ROPN1L: variants seen among roughly 807,000 people sequenced by gnomAD.
ROPN1L encodes rhophilin associated tail protein 1 like.
In ROPN1L, 23 loss-of-function variants were observed where a neutral mutation model predicts 22.7. That is an observed-to-expected ratio of 1.01 (90% CI 0.73 to 1.43). The LOEUF (loss-of-function observed/expected upper bound fraction) is 1.43. ROPN1L is among the 40% of genes most tolerant of loss of function. The pLI is 0.00. For missense variants in ROPN1L, 271 were observed against 291.5 expected, an observed-to-expected ratio of 0.93 and a Z score of 0.51; for synonymous variants, 116 against 117.8, an observed-to-expected ratio of 0.98 and a Z score of 0.10.
rs367668740 is a variant in ROPN1L at position 10,460,911 on chromosome 5, T to C, written c.418-273T>C. ...TGGTTTTCAAGACATTGATGCTTCC[T>C]TTTGTCTGTAACAGTCATTTCTATT... is the stretch of plus-strand genomic sequence containing the variant. On this transcript the variant is annotated intron_variant, in intron 3 of 4. Coordinates refer to ENST00000274134, the MANE Select transcript of ROPN1L (RefSeq NM_031916.5). Among the ~76,000 whole-genome samples the C allele has an allele frequency of 5.2e-5, 8 of 152,388 alleles. No individual in the cohort carries two copies. The East Asian group carries it at 1.3e-3, about 26-fold the overall frequency.
At chr5:10,464,059 C>A (rs531890699) in intron 4 of ROPN1L, among the ~76,000 whole-genome samples, 1 of 152,224 alleles carries the variant, frequency 6.6e-6, no homozygotes, top group African/African-American at 2.4e-5. Context: ...GCCAGTGGAG[C>A]CTGCGTTCTG....
At chr5:10,476,602 G>C (rs186036549), downstream of ROPN1L, among the ~76,000 whole-genome samples, 314 of 152,280 alleles carry the variant, frequency 2.1e-3, 1 homozygote, top group African/African-American at 7.1e-3. Context: ...TGATAAGTCA[G>C]TTTTAAAGAA....
chr5:10,462,326 G>A (rs1428455506), intron 4 of ROPN1L, among the ~76,000 whole-genome samples: 2 of 152,168 alleles, frequency 1.3e-5, no homozygotes, highest in Admixed American at 1.3e-4. Context: ...TTGTCCCAAC[G>A]AATCCCGTGT....
At chr5:10,463,591 C>A (rs533772073) in intron 4 of ROPN1L, among the ~76,000 whole-genome samples, 2 of 152,296 alleles carry the variant, frequency 1.3e-5, no homozygotes, top group African/African-American at 4.8e-5. Context: ...ACCACTGCCC[C>A]CCAAGTGCTG....
intron 2 of ROPN1L, 42 bp downstream of exon 2, chr5:10,448,425 T>G (rs959625086): frequency 1.2e-6 from 2 of 1,612,142 alleles, no homozygotes; most frequent in Non-Finnish European, 1.7e-6. Context: ...AGCTGGCCTG[T>G]GCTTTCCTTA....
Position 10,450,015 on chromosome 5 carries a change from C to A in ROPN1L, c.319C>A (p.Pro107Thr), listed in dbSNP as rs754500671. 17 of 1,613,594 alleles carry A rather than the reference C, an allele frequency of 1.1e-5. No individual in the cohort carries two copies. The Middle Eastern group carries it at 4.9e-4, about 47-fold the overall frequency. ...GCAGAAGTGGAAGAACTTGTGCCTG[C>A]CGAAGGAAAAATTCAAAGCGCTCTT... Reference protein sequence around the residue: ...LEQKWKNLCLPKEKFKALLQL... With the variant: ...LEQKWKNLCLTKEKFKALLQL... Residue 107 changes from proline to threonine, a missense_variant, in exon 3 of 5, where the codon CCG (proline) becomes ACG (threonine). Transcript: ENST00000274134.
At chr5:10,464,666 C>T (rs187352038) in intron 4 of ROPN1L, among the ~76,000 whole-genome samples, 182 bp from the exon 5 acceptor site, 88 of 152,308 alleles carry the variant, frequency 5.8e-4, no homozygotes, top group African/African-American at 1.8e-3. Flanking sequence ...ATTTATTATA[C>T]GTTTTGGTGC....
intron 3 of ROPN1L, among the ~76,000 whole-genome samples, chr5:10,455,451 G>T (rs975602790): frequency 3.3e-5 from 5 of 152,192 alleles, no homozygotes; most frequent in African/African-American, 1.2e-4. Context: ...AGCCGCTCAG[G>T]CTCCTGACTC....
chr5:10,457,252 G>A (rs748490746), intron 3 of ROPN1L, among the ~76,000 whole-genome samples: 3 of 152,156 alleles, frequency 2.0e-5, no homozygotes, highest in South Asian at 2.1e-4. Context: ...AGGTGCAGCC[G>A]CCACCAGCAC....
intron 2 of ROPN1L, among the ~76,000 whole-genome samples, chr5:10,449,207 T>C (rs774034657): frequency 2.0e-5 from 3 of 152,216 alleles, no homozygotes; most frequent in Non-Finnish European, 4.4e-5. Flanking sequence ...GTTTTCAGTT[T>C]TGATAGATTG....
chr5:10,476,681 C>T (rs893236567), downstream of ROPN1L, among the ~76,000 whole-genome samples: 13 of 151,904 alleles, frequency 8.6e-5, no homozygotes, highest in Non-Finnish European at 1.5e-4. Flanking sequence ...TGTAGAAGGA[C>T]GGTGATATTT....
At chr5:10,448,543 A>AT (rs1363846036) in intron 2 of ROPN1L, among the ~76,000 whole-genome samples, 160 bp downstream of exon 2, 1 of 152,212 alleles carries the variant, frequency 6.6e-6, no homozygotes, top group Non-Finnish European at 1.5e-5. Context: ...GTCAAGGTTG[A>AT]TTCAAGGAAG....
intron 1 of ROPN1L, among the ~76,000 whole-genome samples, chr5:10,448,029 A>G (rs1178440154): frequency 6.6e-6 from 1 of 152,194 alleles, no homozygotes; most frequent in East Asian, 1.9e-4. Context: ...AATGCTCCCC[A>G]ACCCTCCAAC....
At chr5:10,457,322 G>C (rs1175925790) in intron 3 of ROPN1L, among the ~76,000 whole-genome samples, 1 of 152,240 alleles carries the variant, frequency 6.6e-6, no homozygotes, top group Non-Finnish European at 1.5e-5. Context: ...GCTGGGGACA[G>C]GGAGATCAGT....
chr5:10,453,670 G>T (rs974313983), intron 3 of ROPN1L, among the ~76,000 whole-genome samples: 3 of 152,134 alleles, frequency 2.0e-5, no homozygotes, highest in Admixed American at 1.3e-4. Flanking sequence ...TGGCGGGGGC[G>T]TGGCTTGTGG....
At chr5:10,452,900 G>A (rs923647612) in intron 3 of ROPN1L, among the ~76,000 whole-genome samples, 1 of 152,192 alleles carries the variant, frequency 6.6e-6, no homozygotes, top group East Asian at 1.9e-4. Context: ...GAGACATTGT[G>A]TTAAGGATAG....
intron 4 of ROPN1L, among the ~76,000 whole-genome samples, chr5:10,470,054 A>G (rs1443391462): frequency 1.3e-5 from 2 of 152,242 alleles, no homozygotes; most frequent in East Asian, 1.9e-4. Context: ...TTAGCAATTA[A>G]TGAGGAATGA....
chr5:10,455,577 C>T (rs557065765), intron 3 of ROPN1L, among the ~76,000 whole-genome samples: 3 of 151,846 alleles, frequency 2.0e-5, no homozygotes, highest in East Asian at 1.9e-4. Flanking sequence ...TCCCATGGGC[C>T]GCTGATGCGG....
intron 4 of ROPN1L, among the ~76,000 whole-genome samples, chr5:10,462,253 A>G (rs1272199373): frequency 6.6e-6 from 1 of 152,254 alleles, no homozygotes; most frequent in Non-Finnish European, 1.5e-5. Context: ...CTTGTATGCC[A>G]GGAGCGGGGG....
Sources: gnomAD v4.1 joint callset for allele counts (sites outside exome capture counted in the v4.1 genomes callset) on GRCh38, gnomAD v4.1.1 for gene constraint, MANE v1.5 for transcripts, NCBI Gene and HGNC (gene_info 2026-07-23, HGNC 2026-07-21) for gene names.